ERC2: variants seen among roughly 807,000 people sequenced by gnomAD.
ERC2 encodes the protein ELKS/RAB6-interacting/CAST family member 2.
Under a neutral mutation model 114.8 loss-of-function variants are expected in ERC2, and 42 were observed. The ratio of observed to expected loss-of-function variants is 0.37; its 90% confidence interval spans 0.29 to 0.47. ERC2 has a LOEUF of 0.47. Ranked by LOEUF, ERC2 falls within the 20% of genes least tolerant of loss-of-function variation. ERC2 has a pLI of 0.99. For missense variants in ERC2, 939 were observed against 1,150.7 expected, an observed-to-expected ratio of 0.82 and a Z score of 2.66; for synonymous variants, 454 against 425.5, an observed-to-expected ratio of 1.07 and a Z score of -0.82.
intron 12 of ERC2, among the ~76,000 whole-genome samples, chr3:55,959,696 A>G (rs1355737336): frequency 6.6e-6 from 1 of 152,210 alleles, no homozygotes; most frequent in Non-Finnish European, 1.5e-5. Flanking sequence ...TTGGCCTCCC[A>G]TCTAGGTCTG....
intron 14 of ERC2, among the ~76,000 whole-genome samples, chr3:55,841,117 A>T (rs902778113): frequency 5.9e-5 from 9 of 152,216 alleles, no homozygotes; most frequent in Non-Finnish European, 1.2e-4. Flanking sequence ...TTGTATGTCA[A>T]TCATACCTAA....
At chr3:55,633,602 A>G (rs2059841474) in intron 17 of ERC2, among the ~76,000 whole-genome samples, 1 of 152,196 alleles carries the variant, frequency 6.6e-6, no homozygotes, top group Non-Finnish European at 1.5e-5. Context: ...AGATACATAC[A>G]TGAACACTCA....
At chr3:55,653,631 C>T (rs2060738978) in intron 17 of ERC2, among the ~76,000 whole-genome samples, 1 of 150,028 alleles carries the variant, frequency 6.7e-6, no homozygotes, top group Non-Finnish European at 1.5e-5. Context: ...GGAAGAATCT[C>T]TGGAATGACA....
intron 2 of ERC2, among the ~76,000 whole-genome samples, chr3:56,314,369 A>G (rs1253092113): frequency 2.6e-5 from 4 of 152,130 alleles, no homozygotes; most frequent in African/African-American, 9.7e-5. Context: ...ATACTTACTT[A>G]TGCCTGAAAC....
chr3:56,099,423 G>A (rs533018658), intron 6 of ERC2, among the ~76,000 whole-genome samples: 1 of 152,300 alleles, frequency 6.6e-6, no homozygotes, highest in East Asian at 1.9e-4. Context: ...GGGATTCAAA[G>A]ACCAATGAAA....
chr3:56,410,130 G>C (rs1408632304), intron 2 of ERC2, among the ~76,000 whole-genome samples: 1 of 152,132 alleles, frequency 6.6e-6, no homozygotes, highest in Non-Finnish European at 1.5e-5. Flanking sequence ...CTAAGTATTA[G>C]TGCCAGTAAT....
rs757693928 is a variant in ERC2, at chr3:55,997,936, T to TG, written c.2062-5687_2062-5686insC. The stretch of plus-strand genomic sequence containing the variant: ...TGTGTGTGTGTGTTTTTTGTTTTTT[T>TG]TTTTTTTTTGGTAGAGATGGGGTTT... On this transcript the variant is annotated intron_variant, in intron 10 of 17. Coordinates refer to ENST00000288221, the MANE Select transcript of ERC2 (RefSeq NM_015576.3). 6.0e-3 allele frequency among the ~76,000 whole-genome samples: 858 copies of TG among 142,262 alleles called. 23 individuals are homozygous for TG. The highest frequency in any genetic ancestry group is 0.01 in the Non-Finnish European group (657 of 65,088). 93.3% of individuals were successfully genotyped at this position (142,262 alleles called of 152,430 possible). A position where few individuals can be genotyped will look rare whatever the true frequency, so the allele number is the denominator to read the frequency against.
At chr3:56,150,858 T>C (rs980479427) in intron 4 of ERC2, among the ~76,000 whole-genome samples, 3 of 152,110 alleles carry the variant, frequency 2.0e-5, no homozygotes, top group African/African-American at 7.2e-5. Context: ...TATTTGGAGA[T>C]GGGGCCTTTG....
At chr3:56,313,037 T>TATATATATATA (rs2056680454) in intron 2 of ERC2, among the ~76,000 whole-genome samples, 2 of 130,244 alleles carry the variant, frequency 1.5e-5, no homozygotes, top group South Asian at 2.5e-4. Flanking sequence ...TATATATATA[T>TATATATATATA]GGGGTGGGAG....
intron 8 of ERC2, among the ~76,000 whole-genome samples, chr3:56,012,050 T>A (rs1394938588): frequency 2.0e-5 from 3 of 152,174 alleles, no homozygotes; most frequent in Non-Finnish European, 4.4e-5. Context: ...ATATAACAAA[T>A]GAAACTATTA....
At chr3:56,285,882 A>G (rs913741501) in intron 3 of ERC2, among the ~76,000 whole-genome samples, 2 of 152,212 alleles carry the variant, frequency 1.3e-5, no homozygotes, top group Non-Finnish European at 2.9e-5. Context: ...GAGGAGGAAT[A>G]GGAGGAAGCC....
chr3:55,753,590 T>C (rs2066862389), intron 14 of ERC2, among the ~76,000 whole-genome samples: 1 of 152,216 alleles, frequency 6.6e-6, no homozygotes, highest in Non-Finnish European at 1.5e-5. Flanking sequence ...TAGGCACTGC[T>C]TCTATTGACT....
At chr3:56,246,948 G>T (rs1302117482) in intron 3 of ERC2, among the ~76,000 whole-genome samples, 4 of 152,226 alleles carry the variant, frequency 2.6e-5, no homozygotes, top group Admixed American at 2.6e-4. Flanking sequence ...ATATGAGTAT[G>T]ACCAGCCATC....
chr3:55,640,390 G>A (rs1351422409), intron 17 of ERC2, among the ~76,000 whole-genome samples: 2 of 152,292 alleles, frequency 1.3e-5, no homozygotes, highest in South Asian at 2.1e-4. Context: ...GCACAGCCCT[G>A]GAAAGAGAAA....
intron 17 of ERC2, among the ~76,000 whole-genome samples, chr3:55,586,954 C>T (rs1450523913): frequency 6.6e-6 from 1 of 152,190 alleles, no homozygotes; most frequent in East Asian, 1.9e-4. Flanking sequence ...TCCCTGTTTT[C>T]ATTCTATTCC....
chr3:56,371,876 C>T (rs996024876), intron 2 of ERC2, among the ~76,000 whole-genome samples: 1 of 152,252 alleles, frequency 6.6e-6, no homozygotes, highest in Admixed American at 6.5e-5. Flanking sequence ...ATGCTCACCC[C>T]AGACTGACAT....
At chr3:56,144,066 A>C (rs527900059) in intron 5 of ERC2, among the ~76,000 whole-genome samples, 5 of 152,316 alleles carry the variant, frequency 3.3e-5, no homozygotes, top group Admixed American at 3.3e-4. Flanking sequence ...TAAACAAAAA[A>C]CGGTCTTGAG....
At chr3:56,139,792 C>A in intron 5 of ERC2, 116 bp from the exon 6 acceptor site, 1 of 1,171,040 alleles carries the variant, frequency 8.5e-7, no homozygotes, top group Non-Finnish European at 1.2e-6. Flanking sequence ...TCCAACAAGG[C>A]AGGCCACGAA....
At chr3:56,175,689 C>T (rs2082939689) in intron 3 of ERC2, among the ~76,000 whole-genome samples, 1 of 152,148 alleles carries the variant, frequency 6.6e-6, no homozygotes, top group Non-Finnish European at 1.5e-5. Context: ...ACCCAAGTGG[C>T]ATCCCTGAAT....
Sources: gnomAD v4.1 joint callset for allele counts (sites outside exome capture counted in the v4.1 genomes callset) on GRCh38, gnomAD v4.1.1 for gene constraint, MANE v1.5 for transcripts, NCBI Gene and HGNC (gene_info 2026-07-23, HGNC 2026-07-21) for gene names.